XRN1: variants seen among roughly 807,000 people sequenced by gnomAD.
XRN1 encodes the protein 5'-3' exoribonuclease 1, also known as strand-exchange protein 1 homolog.
XRN1 carries 67 observed loss-of-function variants against 222.3 expected under a neutral mutation model. The observed-to-expected ratio is 0.30, with a 90% CI of 0.25 to 0.37. XRN1 has a LOEUF of 0.37. Among genes scored for constraint, XRN1 ranks in the 10% least tolerant of loss-of-function variants. The pLI, the probability that XRN1 is intolerant of heterozygous loss-of-function variation, is 1.00. For synonymous variants in XRN1, 643 were observed against 652.4 expected (o/e 0.99, Z 0.22); for missense variants, 1,707 against 2,000.2 (o/e 0.85, Z 2.80).
chr3:142,434,730 G>C (rs939546854), intron 1 of XRN1, among the ~76,000 whole-genome samples: 1 of 151,918 alleles, frequency 6.6e-6, no homozygotes, highest in African/African-American at 2.4e-5. Context: ...AAACTCCAGC[G>C]TGGGAGACAG....
chr3:142,381,280 G>C (rs1208715642), intron 22 of XRN1, among the ~76,000 whole-genome samples: 2 of 151,954 alleles, frequency 1.3e-5, no homozygotes, highest in Non-Finnish European at 2.9e-5. Context: ...CAATATTTCA[G>C]TGTGTATTTC....
intron 20 of XRN1, among the ~76,000 whole-genome samples, chr3:142,387,513 T>A (rs2067550961): frequency 6.6e-6 from 1 of 152,214 alleles, no homozygotes; most frequent in African/African-American, 2.4e-5. Flanking sequence ...AGCCATTCTT[T>A]GGGAGACATT....
At position 142,329,567 on chromosome 3, in the gene XRN1, TG is replaced by T. The variant is rs1408203763; in HGVS notation, c.4270del (p.Gln1424SerfsTer21). The T allele has an allele frequency of 6.3e-7, 1 of 1,584,900 alleles. No homozygotes were observed. The highest frequency in any genetic ancestry group is 8.6e-7 in the Non-Finnish European group (1 of 1,169,362). ...AGGCCAACACATATTGTCCATAGAC[TG>T]AACATTATGGTACTCATTAGCACTG... is the stretch of plus-strand genomic sequence containing the variant. ...PHSANEYHNV[Q>X]SMDNMCWPAP... On this transcript the variant is annotated frameshift_variant, in exon 37 of 41. Coordinates refer to ENST00000392981, the MANE Select transcript of XRN1 (RefSeq NM_001282857.2). LOFTEE classifies it high-confidence loss of function.
intron 32 of XRN1, among the ~76,000 whole-genome samples, chr3:142,347,734 A>G (rs969916483): frequency 6.6e-6 from 1 of 151,392 alleles, no homozygotes; most frequent in African/African-American, 2.4e-5. Flanking sequence ...AGTAGCTGGG[A>G]CTACACGTGA....
Position 142,374,249 on chromosome 3 carries a change from G to GA in XRN1, c.2978+1548dup, listed in dbSNP as rs552548361. On this transcript the variant is annotated intron_variant, in intron 25 of 40. Transcript: ENST00000392981. ...TGAATTCCTAGGATGACAGTACCAG[G>GA]AAACTGAATAATGAGAGCTGCACAA... Among the ~76,000 whole-genome samples, 145 of 152,202 alleles carry GA rather than the reference G, an allele frequency of 9.5e-4. 1 individual carries two copies. Among genetic ancestry groups the GA allele is most frequent in the African/African-American group, 3.4e-3 (143 of 41,544 alleles).
intron 19 of XRN1, among the ~76,000 whole-genome samples, chr3:142,399,092 A>C (rs1201213126): frequency 6.6e-6 from 1 of 152,108 alleles, no homozygotes; most frequent in Non-Finnish European, 1.5e-5. Context: ...ATGGATAAGA[A>C]TATTCAACAT....
At chr3:142,342,926 T>C (rs1477028735) in intron 33 of XRN1, among the ~76,000 whole-genome samples, 2 of 151,854 alleles carry the variant, frequency 1.3e-5, no homozygotes, top group African/African-American at 4.8e-5. Flanking sequence ...ACAAATGGGA[T>C]CACATCAAGT....
intron 20 of XRN1, among the ~76,000 whole-genome samples, chr3:142,387,483 T>C (rs931256472): frequency 6.6e-6 from 1 of 152,148 alleles, no homozygotes; most frequent in African/African-American, 2.4e-5. Flanking sequence ...TCGCAAGTAT[T>C]TTTTGCTCCA....
At chr3:142,413,548 C>T (rs2068670098) in intron 14 of XRN1, among the ~76,000 whole-genome samples, 1 of 152,154 alleles carries the variant, frequency 6.6e-6, no homozygotes, top group Non-Finnish European at 1.5e-5. Context: ...TTGTTACCCT[C>T]AAAGAACGAT....
chr3:142,397,144 G>C (rs985328882), intron 20 of XRN1, among the ~76,000 whole-genome samples, 185 bp downstream of exon 20: 4 of 151,872 alleles, frequency 2.6e-5, no homozygotes, highest in African/African-American at 9.7e-5. Flanking sequence ...TGACAAACTG[G>C]GCAAGGCTGT....
chr3:142,355,883 T>G, intron 31 of XRN1, among the ~76,000 whole-genome samples: 1 of 152,088 alleles, frequency 6.6e-6, no homozygotes, highest in South Asian at 2.1e-4. Context: ...TCCCAGAGTG[T>G]TGGGGTTACA....
chr3:142,393,323 A>G, intron 20 of XRN1, among the ~76,000 whole-genome samples: 1 of 147,108 alleles, frequency 6.8e-6, no homozygotes, highest in Non-Finnish European at 1.5e-5. Flanking sequence ...GAAGCTCTTT[A>G]GTTTAATTAG....
At chr3:142,440,534 T>C (rs2070155515) in intron 1 of XRN1, among the ~76,000 whole-genome samples, 1 of 151,874 alleles carries the variant, frequency 6.6e-6, no homozygotes, top group Admixed American at 6.6e-5. Context: ...AGTACCCCCT[T>C]AGACCCGAGG....
At chr3:142,331,173 G>T (rs2065685669) in intron 36 of XRN1, among the ~76,000 whole-genome samples, 1 of 152,078 alleles carries the variant, frequency 6.6e-6, no homozygotes, top group East Asian at 1.9e-4. Context: ...AAATGTTTTT[G>T]ACTTCTCTGA....
chr3:142,344,797 T>C (rs2066094616), intron 33 of XRN1, among the ~76,000 whole-genome samples: 1 of 152,128 alleles, frequency 6.6e-6, no homozygotes, highest in African/African-American at 2.4e-5. Flanking sequence ...ACAGGAAAAC[T>C]TAATACTGTT....
At position 142,426,733 on chromosome 3, in the gene XRN1, A is replaced by G. The variant is rs200399397; in HGVS notation, c.406+11T>C. The G allele has an allele frequency of 1.9e-6, 3 of 1,601,820 alleles. No individual in the cohort carries two copies. Among genetic ancestry groups the G allele is most frequent in the Admixed American group, 3.4e-5 (2 of 58,084 alleles). ...TCAATTCTGTCATAATTTGTCTCTC[A>G]GTGAATTTACCTGGTGTGATACAGT... On this transcript the variant is annotated intron_variant, in intron 3 of 40. Coordinates refer to ENST00000392981, the MANE Select transcript of XRN1 (RefSeq NM_001282857.2).
chr3:142,396,314 C>T (rs1577358974), intron 20 of XRN1, among the ~76,000 whole-genome samples: 1 of 152,156 alleles, frequency 6.6e-6, no homozygotes. Context: ...AACTCAGTAA[C>T]TGAGTGCCTA....
intron 8 of XRN1, among the ~76,000 whole-genome samples, chr3:142,422,295 A>T (rs2069067426): frequency 1.3e-5 from 2 of 152,332 alleles, no homozygotes; most frequent in South Asian, 2.1e-4. Context: ...ACTGCACTCC[A>T]GCCTGGGCAA....
intron 37 of XRN1, among the ~76,000 whole-genome samples, chr3:142,322,653 C>T (rs1344944107): frequency 6.6e-6 from 1 of 151,612 alleles, no homozygotes; most frequent in East Asian, 1.9e-4. Context: ...CTAGCCTGGG[C>T]GAACAGAGCG....
Sources: allele counts gnomAD v4.1 joint callset (sites outside exome capture counted in the v4.1 genomes callset), GRCh38; gene constraint gnomAD v4.1.1; transcripts MANE v1.5; gene names NCBI Gene and HGNC (gene_info 2026-07-23, HGNC 2026-07-21).